WDR11: variants seen among roughly 807,000 people sequenced by gnomAD.
WDR11 encodes the protein WD repeat-containing protein 11.
In WDR11, 83 loss-of-function variants were observed where a neutral mutation model predicts 151.2. That is an observed-to-expected ratio of 0.55 (90% confidence interval 0.46 to 0.66). The LOEUF is 0.66. Ranked by LOEUF, WDR11 falls within the 30% of genes least tolerant of loss-of-function variation. WDR11 has a pLI of 0.00. For synonymous variants in WDR11, 484 were observed against 533.1 expected, an observed-to-expected ratio of 0.91 and a Z score of 1.27; for missense variants, 1,301 against 1,480.9, an observed-to-expected ratio of 0.88 and a Z score of 1.99.
At chr10:120,890,411 G>A (rs555787666) in intron 18 of WDR11, among the ~76,000 whole-genome samples, 4 of 151,984 alleles carry the variant, frequency 2.6e-5, no homozygotes, top group South Asian at 2.1e-4. Flanking sequence ...ACAGGGTTTC[G>A]CCATGTTGGG....
At chr10:120,867,463 C>T (rs1023738958) in intron 9 of WDR11, among the ~76,000 whole-genome samples, 1 of 152,154 alleles carries the variant, frequency 6.6e-6, no homozygotes, top group Non-Finnish European at 1.5e-5. Flanking sequence ...GACCTAGAGC[C>T]GATGCTGAGC....
chr10:120,868,299 T>C (rs372196246), intron 9 of WDR11, among the ~76,000 whole-genome samples: 1 of 151,702 alleles, frequency 6.6e-6, no homozygotes, highest in South Asian at 2.1e-4. Context: ...ACTAAAAATA[T>C]AAGAATTAGC....
At chr10:120,877,909 CT>C (rs1293964398) in intron 11 of WDR11, among the ~76,000 whole-genome samples, 5 of 152,174 alleles carry the variant, frequency 3.3e-5, no homozygotes, top group African/African-American at 1.2e-4. Flanking sequence ...TGTTGAATAT[CT>C]TCTCTATGCT....
At position 120,885,907 on chromosome 10, in the gene WDR11, G is replaced by C. The variant is rs1281045753; in HGVS notation, c.1942G>C (p.Glu648Gln). The C allele has an allele frequency of 6.2e-7, 1 of 1,613,694 alleles. No individual in the cohort carries two copies. Among genetic ancestry groups the C allele is most frequent in the Non-Finnish European group, 8.5e-7 (1 of 1,179,796 alleles). Residue 648 changes from glutamate to glutamine, a missense_variant, in exon 15 of 29, where the codon GAG (glutamate) becomes CAG (glutamine). By Grantham distance (29) the Glu-to-Gln change is conservative. Coordinates refer to ENST00000263461, the MANE Select transcript of WDR11 (RefSeq NM_018117.12). Reference protein sequence around the residue: ...MARQTVVSDTELSIVESSVIS... With the variant: ...MARQTVVSDTQLSIVESSVIS... The stretch of plus-strand genomic sequence containing the variant: ...CCGCCAGACCGTAGTCTCAGACACA[G>C]AGCTGAGTATTGTTGAATCATCTGT...
At chr10:120,891,938 G>A (rs894492190) in intron 19 of WDR11, among the ~76,000 whole-genome samples, 8 of 152,146 alleles carry the variant, frequency 5.3e-5, no homozygotes, top group East Asian at 1.9e-4. Context: ...TCCTTGTGTC[G>A]TTTGCCAGCT....
At chr10:120,907,923 A>G (rs948662391) in intron 28 of WDR11, 16 of 153,216 alleles carry the variant, frequency 1.0e-4, no homozygotes, top group African/African-American at 3.9e-4. Context: ...GATTACAGGC[A>G]TGAGCCACCC....
chr10:120,871,289 A>G lies in WDR11; in HGVS notation c.1414A>G (p.Met472Val). ...GLPAPQFAIRMCPPLTTKNIK... is the reference protein window; with the variant it reads ...GLPAPQFAIRVCPPLTTKNIK... ...GCCCGCACCACAGTTTGCTATTCGT[A>G]TGTGTCCACCGTTGACCACAAAAAA... The change falls in exon 10 of 29, where the codon ATG becomes GTG. Residue 472 changes from methionine to valine, a missense_variant. This residue lies in a region of WDR11 where 692 missense variants were observed against 762.5 expected (regional missense o/e 0.91). Coordinates refer to ENST00000263461, the MANE Select transcript of WDR11 (RefSeq NM_018117.12). 3 of 1,613,928 alleles carry G rather than the reference A, an allele frequency of 1.9e-6. No homozygotes were observed. Among genetic ancestry groups the G allele is most frequent in the Non-Finnish European group, 2.5e-6 (3 of 1,179,984 alleles).
rs148318884 is a variant in WDR11, at chr10:120,889,177, G to A, written c.2221G>A (p.Val741Ile). 1.9e-6 allele frequency: 3 copies of A among 1,593,176 alleles called. No individual in the cohort carries two copies. Among genetic ancestry groups the A allele is most frequent in the South Asian group, 1.1e-5 (1 of 90,658 alleles). ...AAATTTCTGGGACTTGAAAGGCAGAGTATCCAGGTATAAGCCAAGAATGAA... is the reference window on the plus strand; with the variant it reads ...AAATTTCTGGGACTTGAAAGGCAGAATATCCAGGTATAAGCCAAGAATGAA... Reference protein sequence around the residue: ...NLNFWDLKGRVSRGIPTHRSW... With the variant: ...NLNFWDLKGRISRGIPTHRSW... Residue 741 changes from valine to isoleucine, a missense_variant, in exon 17 of 29, where the codon GTA becomes ATA. Val to Ile is a conservative substitution (Grantham distance 29, BLOSUM62 3). Transcript: ENST00000263461.
intron 2 of WDR11, among the ~76,000 whole-genome samples, chr10:120,857,575 G>C (rs973678134): frequency 3.9e-5 from 6 of 151,980 alleles, no homozygotes; most frequent in Admixed American, 3.9e-4. Flanking sequence ...TTTTGCCTGA[G>C]CAAAAGATCT....
At chr10:120,854,447 T>C (rs970032659) in intron 2 of WDR11, among the ~76,000 whole-genome samples, 1 of 152,256 alleles carries the variant, frequency 6.6e-6, no homozygotes, top group Non-Finnish European at 1.5e-5. Context: ...TTTTTGCCTG[T>C]TACGAATAAT....
chr10:120,874,382 T>A (rs774134977), intron 11 of WDR11, among the ~76,000 whole-genome samples: 3 of 152,020 alleles, frequency 2.0e-5, no homozygotes, highest in Non-Finnish European at 4.4e-5. Context: ...CTCAAAATTA[T>A]TATTTTTTAT....
chr10:120,904,156 T>C lies in WDR11; in HGVS notation c.3027+14T>C. On this transcript the variant is annotated intron_variant, in intron 24 of 28. Coordinates refer to ENST00000263461, the MANE Select transcript of WDR11 (RefSeq NM_018117.12). ...CTCTTGGGTCAAGTATGTCAGTTTT[T>C]ATAACTCTACATGCTTCATTAAATT... 1.9e-6 allele frequency: 3 copies of C among 1,567,594 alleles called. No individual in the cohort carries two copies. The highest frequency in any genetic ancestry group is 2.6e-6 in the Non-Finnish European group (3 of 1,137,874).
chr10:120,896,063 G>A (rs915893382), intron 19 of WDR11, among the ~76,000 whole-genome samples: 2 of 152,192 alleles, frequency 1.3e-5, no homozygotes, highest in African/African-American at 4.8e-5. Context: ...CTTAGCCGTA[G>A]GAGATTGGTT....
intron 24 of WDR11, 106 bp from the exon 25 acceptor site, chr10:120,904,540 T>G (rs1847959743): frequency 7.2e-7 from 1 of 1,390,498 alleles, no homozygotes; most frequent in Non-Finnish European, 1.0e-6. Context: ...TTCAATTGCA[T>G]TTTTTGAAAA....
rs1176400705 is a variant in WDR11 at position 120,854,008 on chromosome 10, GTCTTTT to G, written c.198+1381_198+1386del. ...TCAGGATTAGAGATAGAGATTTGGA[GTCTTTT>G]TCTTTTTTAAATAATAGCTTTATTG... is the stretch of plus-strand genomic sequence containing the variant. On this transcript the variant is annotated intron_variant, in intron 2 of 28. Coordinates refer to ENST00000263461, the MANE Select transcript of WDR11 (RefSeq NM_018117.12). 6.6e-5 allele frequency among the ~76,000 whole-genome samples: 10 copies of G among 152,248 alleles called. No homozygotes were observed. In the East Asian group the frequency reaches 1.9e-3, roughly 29 times the overall value.
intron 18 of WDR11, among the ~76,000 whole-genome samples, chr10:120,890,354 A>T (rs1847388155): frequency 6.6e-6 from 1 of 152,118 alleles, no homozygotes; most frequent in Admixed American, 6.5e-5. Flanking sequence ...CTGGGATTAT[A>T]GGCATGTGCC....
At chr10:120,863,336 G>T (rs1480562533) in intron 5 of WDR11, among the ~76,000 whole-genome samples, 1 of 152,172 alleles carries the variant, frequency 6.6e-6, no homozygotes, top group South Asian at 2.1e-4. Flanking sequence ...TCTTATGCAG[G>T]TGAAGATGTC....
In WDR11 at chr10:120,851,414, C is replaced by T. The variant is rs767465232; in HGVS notation, c.-7C>T. ...GTCAGCGCCCAGGTCCTGGGCTGGC[C>T]GCCGGGATGTTGCCCTACACAGTGA... On this transcript the variant is annotated 5_prime_UTR_variant, in exon 1 of 29. Transcript: ENST00000263461. The T allele has an allele frequency of 6.2e-7, 1 of 1,607,688 alleles. No homozygotes were observed. Among genetic ancestry groups the T allele is most frequent in the African/African-American group, 1.3e-5 (1 of 74,910 alleles).
chr10:120,871,610 G>A (rs1251578930), intron 10 of WDR11, among the ~76,000 whole-genome samples: 2 of 152,022 alleles, frequency 1.3e-5, no homozygotes, highest in African/African-American at 2.4e-5. Context: ...CATTCATCTC[G>A]GAAATACCAG....
Sources: gnomAD v4.1 joint callset for allele counts (sites outside exome capture counted in the v4.1 genomes callset) on GRCh38, gnomAD v4.1.1 for gene constraint, gnomAD v4.1.1 regional missense constraint, MANE v1.5 for transcripts, NCBI Gene and HGNC (gene_info 2026-07-23, HGNC 2026-07-21) for gene names.